Variants in ATP9A observed in about 807,000 individuals in gnomAD.
ATP9A encodes the protein ATPase phospholipid transporting 9A, also known as probable phospholipid-transporting ATPase IIA.
ATP9A carries 52 observed loss-of-function variants against 144.1 expected under a neutral mutation model. The ratio of observed to expected loss-of-function variants is 0.36; its 90% confidence interval spans 0.29 to 0.45. The LOEUF (loss-of-function observed/expected upper bound fraction) is 0.45. Ranked by LOEUF, ATP9A falls within the 20% of genes least tolerant of loss-of-function variation. ATP9A has a pLI of 1.00. For synonymous variants in ATP9A, 582 were observed against 557.4 expected, an observed-to-expected ratio of 1.04 and a Z score of -0.62; for missense variants, 947 against 1,392.7, an observed-to-expected ratio of 0.68 and a Z score of 5.09.
At chr20:51,640,751 A>G (rs971432989) in intron 14 of ATP9A, among the ~76,000 whole-genome samples, 4 of 152,280 alleles carry the variant, frequency 2.6e-5, no homozygotes, top group Non-Finnish European at 5.9e-5. Context: ...AATAGCAAAG[A>G]GGGCTGAGTG....
At chr20:51,680,591 C>A (rs2077496054) in intron 9 of ATP9A, among the ~76,000 whole-genome samples, 1 of 152,124 alleles carries the variant, frequency 6.6e-6, no homozygotes, top group Non-Finnish European at 1.5e-5. Flanking sequence ...TACAGACGGA[C>A]CTCAGCACTG....
intron 1 of ATP9A, among the ~76,000 whole-genome samples, chr20:51,758,072 T>TCA (rs1228012134): frequency 2.6e-5 from 4 of 152,136 alleles, no homozygotes; most frequent in Admixed American, 1.3e-4. Context: ...TTTATAGACT[T>TCA]CATGGTTTTC....
intron 14 of ATP9A, among the ~76,000 whole-genome samples, chr20:51,645,337 T>C (rs1449934763): frequency 6.6e-6 from 1 of 152,078 alleles, no homozygotes; most frequent in Non-Finnish European, 1.5e-5. Context: ...CTGGCCAACA[T>C]GGTGAAACCC....
intron 18 of ATP9A, among the ~76,000 whole-genome samples, chr20:51,623,123 T>C (rs1601062935): frequency 6.6e-6 from 1 of 152,316 alleles, no homozygotes; most frequent in Middle Eastern, 3.4e-3. Context: ...CGGGCACCTC[T>C]CAGGGCTGAG....
At chr20:51,691,223 T>C (rs2077547177) in intron 7 of ATP9A, among the ~76,000 whole-genome samples, 1 of 152,120 alleles carries the variant, frequency 6.6e-6, no homozygotes, top group African/African-American at 2.4e-5. Flanking sequence ...TCCCAGCACT[T>C]TGGGAGGCTG....
At chr20:51,674,730 C>T (rs912554487) in intron 10 of ATP9A, among the ~76,000 whole-genome samples, 1 of 152,192 alleles carries the variant, frequency 6.6e-6, no homozygotes, top group Non-Finnish European at 1.5e-5. Context: ...CTCTCAGCAC[C>T]CTACCCAACA....
At chr20:51,743,395 G>GTTTT (rs1489280599) in intron 1 of ATP9A, among the ~76,000 whole-genome samples, 1 of 43,432 alleles carries the variant, frequency 2.3e-5, no homozygotes, top group Admixed American at 2.3e-4. Flanking sequence ...GACCGAAACT[G>GTTTT]ATTTTTTTTT....
intron 18 of ATP9A, among the ~76,000 whole-genome samples, chr20:51,622,441 C>T (rs536162238): frequency 1.3e-5 from 2 of 152,144 alleles, no homozygotes; most frequent in East Asian, 1.9e-4. Context: ...CTATGAAGCT[C>T]GGTCCTTGGA....
In ATP9A at chr20:51,657,447, T is replaced by C. The variant is rs34256774; in HGVS notation, c.1294-297A>G. 1.0e-3 allele frequency among the ~76,000 whole-genome samples: 158 copies of C among 152,166 alleles called. 1 individual carries two copies. Among genetic ancestry groups the C allele is most frequent in the East Asian group, 1.4e-3 (7 of 5,160 alleles). ...CTCCCTGGGGTGGTGTCGGGGGCTT[T>C]TGACAGAATGAGGACCCCACTGCAC... On this transcript the variant is annotated intron_variant, in intron 13 of 27. Coordinates refer to ENST00000338821, the MANE Select transcript of ATP9A (RefSeq NM_006045.3).
At chr20:51,662,901 T>G (rs997303113) in intron 13 of ATP9A, among the ~76,000 whole-genome samples, 1 of 151,576 alleles carries the variant, frequency 6.6e-6, no homozygotes, top group East Asian at 1.9e-4. Context: ...TGAAACCCCG[T>G]CTCTACTAAA....
chr20:51,618,711 C>G lies in ATP9A; in HGVS notation c.2301G>C (p.Gln767His). The G allele has an allele frequency of 6.2e-7, 1 of 1,613,530 alleles. No individual in the cohort carries two copies. The highest frequency in any genetic ancestry group is 8.5e-7 in the Non-Finnish European group (1 of 1,179,844). ...CCRCAPTQKA[Q>H]IVRLLQERTG... is the part of the protein sequence containing the mutation. ...TGCGCTCCTGAAGCAGGCGCACGATCTGGGCCTTCTGGGTGGGGGCACATC... is the reference window on the plus strand; with the variant it reads ...TGCGCTCCTGAAGCAGGCGCACGATGTGGGCCTTCTGGGTGGGGGCACATC... Residue 767 changes from glutamine to histidine, a missense_variant, in exon 21 of 28, where the codon CAG becomes CAC. Physicochemically the swap from Gln to His is conservative, Grantham distance 24. Coordinates refer to ENST00000338821, the MANE Select transcript of ATP9A (RefSeq NM_006045.3).
intron 19 of ATP9A, among the ~76,000 whole-genome samples, chr20:51,621,163 AGG>A (rs2077225478): frequency 2.0e-5 from 3 of 151,084 alleles, no homozygotes; most frequent in Non-Finnish European, 4.4e-5. Context: ...AAAAAAAAAA[AGG>A]AGAGATTTAA....
At chr20:51,699,281 C>G (rs2077583292) in intron 4 of ATP9A, among the ~76,000 whole-genome samples, 1 of 133,132 alleles carries the variant, frequency 7.5e-6, no homozygotes, top group Non-Finnish European at 1.5e-5. Context: ...TGCAGTGAGC[C>G]AAGATCTCAC....
At chr20:51,647,536 G>A (rs1029598044) in intron 14 of ATP9A, among the ~76,000 whole-genome samples, 2 of 152,012 alleles carry the variant, frequency 1.3e-5, no homozygotes, top group African/African-American at 4.8e-5. Flanking sequence ...GAGCAACAGA[G>A]CAAGACTTCA....
At chr20:51,636,259 C>T (rs1219493011) in intron 15 of ATP9A, among the ~76,000 whole-genome samples, 4 of 152,046 alleles carry the variant, frequency 2.6e-5, no homozygotes, top group Admixed American at 2.0e-4. Flanking sequence ...GATTCATGTC[C>T]GGGAGGATGG....
Position 51,617,511 on chromosome 20 carries a change from G to A in ATP9A, c.2394C>T (p.Cys798=), listed in dbSNP as rs570532955. 213 of 1,611,646 alleles carry A rather than the reference G, an allele frequency of 1.3e-4. 2 individuals carry two copies. The South Asian group carries it at 1.9e-3, about 14-fold the overall frequency. Residue 798 remains cysteine, a synonymous_variant, in exon 22 of 28, where the codon TGC becomes TGT. Transcript: ENST00000338821. ...NDVSMIQESD[C]GVGVEGKEGK... ...TCACCTTTCCTTCCACTCCCACGCC[G>A]CAGTCAGATTCCTGAATCATGCTGA... is the stretch of plus-strand genomic sequence containing the variant.
chr20:51,681,807 C>T (rs554037563), intron 9 of ATP9A, among the ~76,000 whole-genome samples: 3 of 152,240 alleles, frequency 2.0e-5, no homozygotes, highest in East Asian at 1.9e-4. Flanking sequence ...GTGCTGGGAC[C>T]GGCAACGGAC....
intron 27 of ATP9A, among the ~76,000 whole-genome samples, chr20:51,603,994 C>T (rs1468381438): frequency 7.2e-5 from 11 of 151,918 alleles, no homozygotes; most frequent in South Asian, 2.1e-4. Context: ...TTGACCAGAC[C>T]GGTCTCAAAC....
chr20:51,719,847 G>T (rs2049603176), intron 3 of ATP9A, among the ~76,000 whole-genome samples: 1 of 150,586 alleles, frequency 6.6e-6, no homozygotes, highest in African/African-American at 2.5e-5. Context: ...AGGAGTTCGA[G>T]ACCAGCCTGG....
Sources: allele counts gnomAD v4.1 joint callset (sites outside exome capture counted in the v4.1 genomes callset), GRCh38; gene constraint gnomAD v4.1.1; transcripts MANE v1.5; gene names NCBI Gene and HGNC (gene_info 2026-07-23, HGNC 2026-07-21).